SH3RF2: variants seen among roughly 807,000 people sequenced by gnomAD.
SH3RF2 encodes E3 ubiquitin-protein ligase SH3RF2.
In SH3RF2, 43 loss-of-function variants were observed where a neutral mutation model predicts 59.0. That is an observed-to-expected ratio of 0.73 (90% CI 0.57 to 0.94). SH3RF2 has a LOEUF of 0.94. SH3RF2 is among the 40% of genes least tolerant of loss of function. SH3RF2 has a pLI of 0.00. For synonymous variants in SH3RF2, 391 were observed against 391.5 expected, an observed-to-expected ratio of 1.00 and a Z score of 0.01; for missense variants, 930 against 940.1, an observed-to-expected ratio of 0.99 and a Z score of 0.14.
intron 2 of SH3RF2, among the ~76,000 whole-genome samples, chr5:145,983,530 G>A (rs1206971415): frequency 6.6e-6 from 1 of 152,138 alleles, no homozygotes; most frequent in Non-Finnish European, 1.5e-5. Context: ...CAAGCCAGAT[G>A]AGTGTCAATG....
At chr5:146,008,358 G>C (rs1302023684) in intron 4 of SH3RF2, among the ~76,000 whole-genome samples, 1 of 152,124 alleles carries the variant, frequency 6.6e-6, no homozygotes, top group Admixed American at 6.5e-5. Context: ...ACTCACCTGG[G>C]GACAGAACAA....
At chr5:146,054,345 G>A (rs973882741) in intron 7 of SH3RF2, among the ~76,000 whole-genome samples, 1 of 152,050 alleles carries the variant, frequency 6.6e-6, no homozygotes, top group African/African-American at 2.4e-5. Context: ...GGCCTAATTA[G>A]CTGTATGCTG....
Position 145,937,665 on chromosome 5 carries a change from TA to T in SH3RF2, c.-106-157del, listed in dbSNP as rs375163263. ...CTCACAGCAAGCACGAGTTGAGTCT[TA>T]TACCTGCTAGCATTGAATCAGAATG... is the stretch of plus-strand genomic sequence containing the variant. On this transcript the variant is annotated intron_variant, in intron 1 of 9. Coordinates refer to ENST00000359120, the MANE Select transcript of SH3RF2 (RefSeq NM_152550.4). Among the ~76,000 whole-genome samples the T allele has an allele frequency of 1.6e-3, 246 of 152,282 alleles. 1 individual carries two copies. The highest frequency in any genetic ancestry group is 5.8e-3 in the African/African-American group (243 of 41,554).
chr5:146,033,125 T>C (rs1197525863), intron 5 of SH3RF2, among the ~76,000 whole-genome samples: 1 of 152,088 alleles, frequency 6.6e-6, no homozygotes, highest in Non-Finnish European at 1.5e-5. Context: ...ATGGGAAAAA[T>C]GATGATAATG....
chr5:145,957,524 T>C (rs1349580484), intron 2 of SH3RF2, among the ~76,000 whole-genome samples: 1 of 152,200 alleles, frequency 6.6e-6, no homozygotes, highest in African/African-American at 2.4e-5. Context: ...TAAGCACTTC[T>C]GTTTAACTAT....
At chr5:145,978,685 G>GAAA (rs72055049) in intron 2 of SH3RF2, among the ~76,000 whole-genome samples, 2 of 133,242 alleles carry the variant, frequency 1.5e-5, no homozygotes, top group African/African-American at 2.7e-5. Flanking sequence ...TGGTTTTAAG[G>GAAA]AAAAAAAAAA....
At chr5:146,057,624 A>G (rs1238768684) in intron 8 of SH3RF2, among the ~76,000 whole-genome samples, 1 of 152,204 alleles carries the variant, frequency 6.6e-6, no homozygotes, top group East Asian at 1.9e-4. Context: ...CATCCAGAGC[A>G]CGAACTCACT....
At chr5:146,049,043 T>C (rs1369132277) in intron 6 of SH3RF2, 32 bp from the exon 7 acceptor site, 1 of 1,613,154 alleles carries the variant, frequency 6.2e-7, no homozygotes, top group South Asian at 1.1e-5. Flanking sequence ...ACGTCTTCCT[T>C]CCTCCCTCAC....
intron 3 of SH3RF2, among the ~76,000 whole-genome samples, chr5:146,002,477 GAA>G (rs1760459613): frequency 1.4e-5 from 1 of 71,808 alleles, no homozygotes; most frequent in South Asian, 6.4e-4. Flanking sequence ...GAAAAGGAAG[GAA>G]GGAAGGAAGG....
At chr5:145,987,740 T>G (rs1175703385) in intron 2 of SH3RF2, among the ~76,000 whole-genome samples, 1 of 152,134 alleles carries the variant, frequency 6.6e-6, no homozygotes. Flanking sequence ...AAAAAAATAT[T>G]TGTTGAAAGC....
At chr5:146,033,566 G>C (rs1479224223) in intron 5 of SH3RF2, among the ~76,000 whole-genome samples, 1 of 145,142 alleles carries the variant, frequency 6.9e-6, no homozygotes, top group Non-Finnish European at 1.5e-5. Flanking sequence ...CGTCTCCCAG[G>C]TTCAAGCCAT....
At position 146,001,996 on chromosome 5, in the gene SH3RF2, C is replaced by T. The variant is rs114213523; in HGVS notation, c.648+1669C>T. ...TCAGTAAATTGTGTAATTTATTCAA[C>T]GTCATGTATTTATTCATGCATGCAT... is the stretch of plus-strand genomic sequence containing the variant. On this transcript the variant is annotated intron_variant, in intron 3 of 9. Coordinates refer to ENST00000359120, the MANE Select transcript of SH3RF2 (RefSeq NM_152550.4). Among the ~76,000 whole-genome samples, 759 of 152,268 alleles carry T rather than the reference C, an allele frequency of 5.0e-3. 6 individuals carry two copies. The highest frequency in any genetic ancestry group is 0.017 in the African/African-American group (723 of 41,552).
chr5:145,947,805 G>A (rs1003583752), intron 2 of SH3RF2, among the ~76,000 whole-genome samples: 3 of 152,046 alleles, frequency 2.0e-5, no homozygotes, highest in African/African-American at 7.2e-5. Context: ...CCTTTGCTTG[G>A]GCTCCAAAAG....
intron 2 of SH3RF2, 127 bp downstream of exon 2, chr5:145,938,433 T>C: frequency 8.8e-7 from 1 of 1,137,364 alleles, no homozygotes; most frequent in Non-Finnish European, 1.2e-6. Flanking sequence ...AGTGATAAGT[T>C]TCTGTGGGCA....
intron 2 of SH3RF2, chr5:145,997,405 T>A (rs1760210134): frequency 2.3e-6 from 3 of 1,285,832 alleles, no homozygotes; most frequent in Non-Finnish European, 3.4e-6. Flanking sequence ...TTTGCTTCCA[T>A]CTACACTGCA....
chr5:145,938,312 A>G lies in SH3RF2; in HGVS notation c.378+6A>G. 1 of 1,523,508 alleles carries G rather than the reference A, an allele frequency of 6.6e-7. No individual in the cohort carries two copies. The highest frequency in any genetic ancestry group is 8.8e-7 in the Non-Finnish European group (1 of 1,142,566). 94.4% of individuals were successfully genotyped at this position (1,523,508 alleles called of 1,614,324 possible). On this transcript the variant is annotated splice_donor_region_variant and intron_variant, in intron 2 of 9. Coordinates refer to ENST00000359120, the MANE Select transcript of SH3RF2 (RefSeq NM_152550.4). ...TCAGAATCCACATGGATGGGGTAAG[A>G]GAGATCTTATTTGCTAATATCATGT... is the stretch of plus-strand genomic sequence containing the variant.
At chr5:145,971,187 C>T (rs1014128485) in intron 2 of SH3RF2, among the ~76,000 whole-genome samples, 2 of 152,176 alleles carry the variant, frequency 1.3e-5, no homozygotes, top group South Asian at 2.1e-4. Flanking sequence ...CTGCAAGGAC[C>T]GATGTCTGTT....
chr5:146,002,472 GGAA>G (rs1760458882), intron 3 of SH3RF2, among the ~76,000 whole-genome samples: 1 of 28,278 alleles, frequency 3.5e-5, no homozygotes, highest in Admixed American at 3.3e-4. Flanking sequence ...AGAAAGAAAA[GGAA>G]GGAAGGAAGG....
intron 2 of SH3RF2, among the ~76,000 whole-genome samples, chr5:145,996,750 C>T (rs1290901698): frequency 6.6e-6 from 1 of 151,988 alleles, no homozygotes; most frequent in East Asian, 1.9e-4. Flanking sequence ...AGTTCACAGC[C>T]CTGTTCCTTG....
Sources: gnomAD v4.1 joint callset for allele counts (sites outside exome capture counted in the v4.1 genomes callset) on GRCh38, gnomAD v4.1.1 for gene constraint, MANE v1.5 for transcripts, NCBI Gene and HGNC (gene_info 2026-07-23, HGNC 2026-07-21) for gene names.